Variants in DACH1 observed in about 807,000 individuals in gnomAD.
DACH1 encodes the protein dachshund family transcription factor 1, also known as dachshund homolog 1.
In DACH1, 12 loss-of-function variants were observed where a neutral mutation model predicts 54.2. That is an observed-to-expected ratio of 0.22 (90% CI 0.14 to 0.36). The LOEUF (loss-of-function observed/expected upper bound fraction) is 0.36, where lower values mean the gene tolerates loss of function less well. Among genes scored for constraint, DACH1 ranks in the 10% least tolerant of loss-of-function variants. The pLI is 1.00. For synonymous variants in DACH1, 386 were observed against 366.2 expected (o/e 1.05, Z -0.62); for missense variants, 805 against 929.8 (o/e 0.87, Z 1.75).
At chr13:71,688,986 T>C (rs1429509553) in intron 1 of DACH1, among the ~76,000 whole-genome samples, 4 of 152,210 alleles carry the variant, frequency 2.6e-5, no homozygotes, top group African/African-American at 7.2e-5. Context: ...GCATTACAAA[T>C]TTCCAAGAAT....
intron 2 of DACH1, among the ~76,000 whole-genome samples, chr13:71,665,139 C>A (rs923736950): frequency 6.6e-6 from 1 of 151,800 alleles, no homozygotes; most frequent in East Asian, 1.9e-4. Flanking sequence ...CTATTTATAA[C>A]GTTCAGAAAT....
rs532565015 is a variant in DACH1, at chr13:71,726,549, G to A, written c.849-44639C>T. On this transcript the variant is annotated intron_variant, in intron 1 of 10. Coordinates refer to ENST00000613252, the MANE Select transcript of DACH1 (RefSeq NM_080759.6). ...TTTTGTCATCCAATAAATAGGCAAT[G>A]AAAAATCTATATTTAAATTCAAGGT... 3.9e-5 allele frequency among the ~76,000 whole-genome samples: 6 copies of A among 152,066 alleles called. No individual in the cohort carries two copies. The South Asian group carries it at 1.2e-3, about 32-fold the overall frequency.
At chr13:71,621,049 AAC>A (rs2138542358) in intron 3 of DACH1, among the ~76,000 whole-genome samples, 1 of 152,130 alleles carries the variant, frequency 6.6e-6, no homozygotes, top group African/African-American at 2.4e-5. Context: ...TAAACTTTTA[AAC>A]ACACATATGT....
Position 71,506,427 on chromosome 13 carries a change from A to G in DACH1, c.1571-17279T>C, listed in dbSNP as rs919299248. On this transcript the variant is annotated intron_variant, in intron 6 of 10. Coordinates refer to ENST00000613252, the MANE Select transcript of DACH1 (RefSeq NM_080759.6). ...TTGCGATAGTTTACTGAGAATGATGATTTCCAATTTCATCCATGTCCCTAC... is the reference window on the plus strand; with the variant it reads ...TTGCGATAGTTTACTGAGAATGATGGTTTCCAATTTCATCCATGTCCCTAC... Among the ~76,000 whole-genome samples the G allele has an allele frequency of 2.8e-3, 428 of 151,104 alleles. 2 individuals carry two copies. The highest frequency in any genetic ancestry group is 9.8e-3 in the African/African-American group (402 of 41,166).
chr13:71,819,423 A>C (rs183478785), intron 1 of DACH1, among the ~76,000 whole-genome samples: 17 of 152,294 alleles, frequency 1.1e-4, no homozygotes, highest in Admixed American at 9.1e-4. Flanking sequence ...TATGGAAAAT[A>C]TCCAGCATGG....
chr13:71,707,831 T>C (rs756665783), intron 1 of DACH1, among the ~76,000 whole-genome samples: 1 of 152,064 alleles, frequency 6.6e-6, no homozygotes, highest in Non-Finnish European at 1.5e-5. Context: ...AATAACAGGC[T>C]GTAGGAGAAC....
chr13:71,600,993 G>C (rs1874452032), intron 3 of DACH1, among the ~76,000 whole-genome samples: 1 of 149,984 alleles, frequency 6.7e-6, no homozygotes, highest in African/African-American at 2.5e-5. Flanking sequence ...CAATCATATG[G>C]TCTCTTTCAA....
At chr13:71,546,265 C>T (rs1454967424) in intron 6 of DACH1, among the ~76,000 whole-genome samples, 1 of 151,870 alleles carries the variant, frequency 6.6e-6, no homozygotes. Context: ...TTCTCAAGCA[C>T]TTGTGCACCA....
intron 2 of DACH1, among the ~76,000 whole-genome samples, chr13:71,643,406 G>T (rs1208140044): frequency 6.6e-6 from 1 of 152,110 alleles, no homozygotes; most frequent in East Asian, 1.9e-4. Flanking sequence ...TTGAAATATT[G>T]CTAAAGTGCA....
chr13:71,516,976 A>G (rs1881209366), intron 6 of DACH1, among the ~76,000 whole-genome samples: 1 of 151,674 alleles, frequency 6.6e-6, no homozygotes, highest in East Asian at 1.9e-4. Context: ...TTATAAATAC[A>G]TGAGTATACT....
At chr13:71,669,509 A>C (rs1880083603) in intron 2 of DACH1, among the ~76,000 whole-genome samples, 1 of 152,194 alleles carries the variant, frequency 6.6e-6, no homozygotes, top group South Asian at 2.1e-4. Context: ...TGTAATAATA[A>C]TAGAAATAAA....
At chr13:71,689,195 G>A (rs1007714427) in intron 1 of DACH1, among the ~76,000 whole-genome samples, 4 of 152,162 alleles carry the variant, frequency 2.6e-5, no homozygotes, top group Non-Finnish European at 5.9e-5. Flanking sequence ...TAGGGCACAT[G>A]AGAATTATTC....
At chr13:71,799,056 G>A (rs1202622481) in intron 1 of DACH1, among the ~76,000 whole-genome samples, 2 of 152,018 alleles carry the variant, frequency 1.3e-5, no homozygotes, top group Admixed American at 1.3e-4. Flanking sequence ...GGAAGCTAAA[G>A]TTTCCCCCCT....
At chr13:71,473,615 T>C (rs1232703763) in intron 10 of DACH1, among the ~76,000 whole-genome samples, 1 of 152,178 alleles carries the variant, frequency 6.6e-6, no homozygotes, top group East Asian at 1.9e-4. Flanking sequence ...TCATCAACCA[T>C]ACAAAAATGT....
chr13:71,618,993 A>G (rs1234214042), intron 3 of DACH1, among the ~76,000 whole-genome samples: 1 of 151,498 alleles, frequency 6.6e-6, no homozygotes, highest in Non-Finnish European at 1.5e-5. Context: ...TTTTTTGCAT[A>G]GGTGTGAATA....
intron 10 of DACH1, among the ~76,000 whole-genome samples, chr13:71,463,281 A>G (rs1876262957): frequency 6.6e-6 from 1 of 151,976 alleles, no homozygotes; most frequent in Non-Finnish European, 1.5e-5. Flanking sequence ...AGAAAACTAA[A>G]CTTTGTTTTA....
chr13:71,638,392 C>G (rs1175537105), intron 2 of DACH1, among the ~76,000 whole-genome samples: 1 of 152,148 alleles, frequency 6.6e-6, no homozygotes, highest in African/African-American at 2.4e-5. Context: ...TCCTAACCAT[C>G]TGATAGGCAG....
chr13:71,564,527 A>T (rs1220852515), intron 4 of DACH1, among the ~76,000 whole-genome samples: 2 of 152,036 alleles, frequency 1.3e-5, no homozygotes, highest in Non-Finnish European at 2.9e-5. Flanking sequence ...AGGACAAAAA[A>T]GGAAAAGCTG....
intron 1 of DACH1, among the ~76,000 whole-genome samples, chr13:71,786,231 C>T (rs1435712765): frequency 6.6e-6 from 1 of 152,152 alleles, no homozygotes; most frequent in Non-Finnish European, 1.5e-5. Context: ...AGCTTATGCA[C>T]ATGTGCATGT....
Sources: gnomAD v4.1 joint callset for allele counts (sites outside exome capture counted in the v4.1 genomes callset) on GRCh38, gnomAD v4.1.1 for gene constraint, MANE v1.5 for transcripts, NCBI Gene and HGNC (gene_info 2026-07-23, HGNC 2026-07-21) for gene names.